The following DYNLT5 variants were observed in gnomAD, a reference collection of about 807,000 sequenced individuals.
The protein encoded by DYNLT5 is dynein light chain Tctex-type 5.
In DYNLT5, 25 loss-of-function variants were observed where a neutral mutation model predicts 19.3. The ratio of observed to expected loss-of-function variants is 1.30; its 90% confidence interval spans 0.95 to 1.81. The LOEUF (loss-of-function observed/expected upper bound fraction) is 1.81. DYNLT5 is among the 40% of genes most tolerant of loss of function. The pLI is 0.00. For synonymous variants in DYNLT5, 82 were observed against 68.9 expected (o/e 1.19, Z -0.94); for missense variants, 232 against 217.9 (o/e 1.06, Z -0.41).
intron 2 of DYNLT5, among the ~76,000 whole-genome samples, chr1:66,769,707 A>C (rs1387396452): frequency 1.3e-5 from 2 of 152,148 alleles, no homozygotes; most frequent in African/African-American, 4.8e-5. Context: ...TGCTGGAGAG[A>C]CAGTGGGGCC....
chr1:66,756,699 A>T (rs761116323), intron 2 of DYNLT5, among the ~76,000 whole-genome samples: 16 of 152,182 alleles, frequency 1.1e-4, no homozygotes, highest in Non-Finnish European at 2.4e-4. Context: ...AAGTAATTTG[A>T]CTTAATGATT....
At chr1:66,761,944 C>T (rs965547685) in intron 2 of DYNLT5, among the ~76,000 whole-genome samples, 6 of 152,134 alleles carry the variant, frequency 3.9e-5, no homozygotes, top group Non-Finnish European at 5.9e-5. Context: ...CATCTCAAAC[C>T]GTGCCACTCC....
chr1:66,776,450 G>T, intron 4 of DYNLT5, 47 bp downstream of exon 4: 1 of 1,554,730 alleles, frequency 6.4e-7, no homozygotes, highest in Non-Finnish European at 8.7e-7. Context: ...TAGAATATTT[G>T]CTAAAGTACA....
intron 2 of DYNLT5, among the ~76,000 whole-genome samples, chr1:66,763,668 C>G (rs1402629688): frequency 2.6e-5 from 4 of 152,190 alleles, no homozygotes; most frequent in Non-Finnish European, 4.4e-5. Context: ...CATGAACAAA[C>G]CTCTGCTAGT....
intron 3 of DYNLT5, chr1:66,770,845 G>GA: frequency 1.1e-5 from 3 of 264,360 alleles, no homozygotes; most frequent in South Asian, 4.1e-5. Context: ...GTTAGGTGAA[G>GA]GAAAAAAAAA....
At chr1:66,777,177 A>C in intron 4 of DYNLT5, 74 bp from the exon 5 acceptor site, 1 of 1,279,890 alleles carries the variant, frequency 7.8e-7, no homozygotes, top group Non-Finnish European at 1.1e-6. Flanking sequence ...AATCCCTTAT[A>C]TTTATAACAA....
At position 66,752,532 on chromosome 1, in the gene DYNLT5, T is replaced by C. The variant is rs1013717651; in HGVS notation, c.-56T>C. 5.1e-6 allele frequency: 5 copies of C among 985,562 alleles called. No individual in the cohort carries two copies. The highest frequency in any genetic ancestry group is 4.8e-6 in the Non-Finnish European group (4 of 830,034). The allele number at this position is 985,562 out of a possible 1,614,324, so 61.1% of individuals were successfully genotyped here. A position where few individuals can be genotyped will look rare whatever the true frequency, so the allele number is the denominator to read the frequency against. On this transcript the variant is annotated 5_prime_UTR_variant, in exon 1 of 5. Coordinates refer to ENST00000282670, the MANE Select transcript of DYNLT5 (RefSeq NM_152665.3). ...GACGCGGGAGCCGCGCCGCGCGCAGTGTCTGCAGTGCCGGAGGTCTGGGAG... is the reference window on the plus strand; with the variant it reads ...GACGCGGGAGCCGCGCCGCGCGCAGCGTCTGCAGTGCCGGAGGTCTGGGAG...
intron 2 of DYNLT5, among the ~76,000 whole-genome samples, chr1:66,763,249 G>A (rs570264551): frequency 7.9e-5 from 12 of 152,266 alleles, no homozygotes; most frequent in South Asian, 4.1e-4. Context: ...AAACTATGCC[G>A]TAAAACAGAT....
At chr1:66,754,821 A>G (rs775337109) in intron 2 of DYNLT5, 44 bp downstream of exon 2, 36 of 1,577,584 alleles carry the variant, frequency 2.3e-5, no homozygotes, top group Non-Finnish European at 3.0e-5. Context: ...TTGAATAAAT[A>G]GGTTCGTAAT....
At chr1:66,752,690 G>T (rs2094627993) in intron 1 of DYNLT5, 106 bp downstream of exon 1, 2 of 681,040 alleles carry the variant, frequency 2.9e-6, no homozygotes, top group South Asian at 6.5e-5. Context: ...CGATCTCTCC[G>T]CCACCTTATT....
At chr1:66,765,665 T>C (rs1215791185) in intron 2 of DYNLT5, among the ~76,000 whole-genome samples, 2 of 150,940 alleles carry the variant, frequency 1.3e-5, no homozygotes, top group East Asian at 3.9e-4. Flanking sequence ...TGATGGAGTC[T>C]TGCTCTGTTG....
At chr1:66,766,360 T>C (rs74085097) in intron 2 of DYNLT5, among the ~76,000 whole-genome samples, 2,324 of 152,276 alleles carry the variant, frequency 0.015, 61 homozygotes, top group African/African-American at 0.052. Flanking sequence ...CAAAAATGTA[T>C]TGTGCCAGGT....
chr1:66,776,697 G>A (rs189608493), intron 4 of DYNLT5, among the ~76,000 whole-genome samples: 1 of 152,188 alleles, frequency 6.6e-6, no homozygotes, highest in East Asian at 1.9e-4. Context: ...ACATTTTAAT[G>A]ATTATTTTCT....
In DYNLT5 at chr1:66,776,422, CAA is replaced by C. The variant is rs558444426; in HGVS notation, c.336+21_336+22del. ...TTCTGAGGTACGTGTGTGATTTGCC[CAA>C]AGTGTTAACAATAGCTAGAATATTT... On this transcript the variant is annotated intron_variant, in intron 4 of 4. Coordinates refer to ENST00000282670, the MANE Select transcript of DYNLT5 (RefSeq NM_152665.3). The C allele has an allele frequency of 4.2e-5, 67 of 1,585,350 alleles. 3 individuals carry two copies. In the South Asian group the frequency reaches 7.3e-4, roughly 17 times the overall value.
intron 1 of DYNLT5, among the ~76,000 whole-genome samples, chr1:66,753,864 C>T (rs1185746244): frequency 1.3e-5 from 2 of 152,022 alleles, no homozygotes; most frequent in East Asian, 3.9e-4. Context: ...GTGGGTGGAC[C>T]GCTTGAGCCC....
At chr1:66,759,511 CG>C (rs970412142) in intron 2 of DYNLT5, among the ~76,000 whole-genome samples, 2 of 152,070 alleles carry the variant, frequency 1.3e-5, no homozygotes, top group Admixed American at 6.6e-5. Context: ...GATACATACA[CG>C]TTTTTTTAAA....
intron 3 of DYNLT5, 80 bp from the exon 4 acceptor site, chr1:66,776,199 T>A: frequency 6.6e-7 from 1 of 1,514,330 alleles, no homozygotes; most frequent in Non-Finnish European, 8.9e-7. Context: ...CATGTTTCCA[T>A]ACTCTTTTGA....
At chr1:66,759,673 A>G (rs528518) in intron 2 of DYNLT5, among the ~76,000 whole-genome samples, 116,943 of 152,186 alleles carry the variant, frequency 0.77, 45,272 homozygotes, top group Middle Eastern at 0.83. Flanking sequence ...ATTAAAACAA[A>G]ATACCATTTT....
At chr1:66,765,586 A>C in intron 2 of DYNLT5, among the ~76,000 whole-genome samples, 1 of 152,108 alleles carries the variant, frequency 6.6e-6, no homozygotes, top group East Asian at 1.9e-4. Context: ...GTTTTTAAGA[A>C]AAAAATGAAT....
Sources: allele counts gnomAD v4.1 joint callset (sites outside exome capture counted in the v4.1 genomes callset), GRCh38; gene constraint gnomAD v4.1.1; transcripts MANE v1.5; gene names NCBI Gene and HGNC (gene_info 2026-07-23, HGNC 2026-07-21).